Variants in SYNJ1 observed in about 807,000 individuals in gnomAD.
SYNJ1 encodes the protein synaptojanin 1.
A neutral mutation model predicts 168.2 loss-of-function variants in SYNJ1; 78 were observed. The observed-to-expected ratio is 0.46, with a 90% CI of 0.39 to 0.56. The LOEUF (loss-of-function observed/expected upper bound fraction) is 0.56. Among genes scored for constraint, SYNJ1 ranks in the 20% least tolerant of loss-of-function variants. The pLI is 0.00. For missense variants in SYNJ1, 1,303 were observed against 1,597.6 expected (o/e 0.82, Z 3.14); for synonymous variants, 539 against 548.6 (o/e 0.98, Z 0.24).
intron 15 of SYNJ1, among the ~76,000 whole-genome samples, chr21:32,667,233 T>C (rs1449372098): frequency 1.3e-5 from 2 of 152,198 alleles, no homozygotes; most frequent in African/African-American, 2.4e-5. Context: ...TGCACATATA[T>C]GTGACTATAT....
chr21:32,701,846 C>T (rs1322385736), intron 3 of SYNJ1, 115 bp downstream of exon 3: 9 of 702,142 alleles, frequency 1.3e-5, no homozygotes, highest in African/African-American at 1.8e-5. Flanking sequence ...GATGTTAGCA[C>T]ATGTGTAGCT....
rs1203999637 is a variant in SYNJ1, at chr21:32,685,828, T to C, written c.1038A>G (p.Lys346=). The part of the protein sequence containing the change: ...HQMVKGGKAE[K]LHSVLKPQVQ... ...CTTGAGGTTTAAGAACACTATGTAA[T>C]TTTTCTGCCTTTCCTCCCTTAACCA... The change falls in exon 9 of 33, where the codon AAA becomes AAG. Residue 346 remains lysine (K), a synonymous_variant. Transcript: ENST00000674351. The C allele has an allele frequency of 1.2e-6, 2 of 1,613,280 alleles. No individual in the cohort carries two copies. The highest frequency in any genetic ancestry group is 2.2e-5 in the East Asian group (1 of 44,696).
At chr21:32,653,394 A>C in intron 21 of SYNJ1, 28 bp from the exon 22 acceptor site, 3 of 1,523,426 alleles carry the variant, frequency 2.0e-6, no homozygotes, top group South Asian at 2.3e-5. Flanking sequence ...AAAAACCATA[A>C]TTAATACCAT....
chr21:32,716,435 A>G (rs1447751971), intron 2 of SYNJ1, among the ~76,000 whole-genome samples: 3 of 152,178 alleles, frequency 2.0e-5, no homozygotes, highest in Non-Finnish European at 4.4e-5. Context: ...CTCTAGGTGA[A>G]TGGTTTGGTT....
At chr21:32,681,452 GA>G (rs2041619232) in intron 11 of SYNJ1, 43 bp downstream of exon 11, 2 of 1,540,544 alleles carry the variant, frequency 1.3e-6, no homozygotes, top group South Asian at 2.6e-5. Context: ...ATGAAGAGAG[GA>G]AAAAGAGGAT....
chr21:32,675,885 T>C (rs549603327), intron 13 of SYNJ1, among the ~76,000 whole-genome samples: 20 of 152,226 alleles, frequency 1.3e-4, no homozygotes, highest in Non-Finnish European at 2.1e-4. Context: ...AATAAGGAAA[T>C]GCAACAATGC....
intron 32 of SYNJ1, among the ~76,000 whole-genome samples, chr21:32,633,492 C>T (rs1189982434): frequency 1.3e-5 from 2 of 152,084 alleles, no homozygotes; most frequent in African/African-American, 4.8e-5. Context: ...GACTTGGACA[C>T]TTATGCTAAC....
At chr21:32,672,613 T>C (rs1316618194) in intron 14 of SYNJ1, among the ~76,000 whole-genome samples, 4 of 152,202 alleles carry the variant, frequency 2.6e-5, no homozygotes, top group African/African-American at 4.8e-5. Context: ...GTGCTGGGAT[T>C]ACAGGCGTGA....
intron 12 of SYNJ1, among the ~76,000 whole-genome samples, chr21:32,678,274 AT>A (rs1282554156): frequency 6.6e-6 from 1 of 152,230 alleles, no homozygotes; most frequent in Admixed American, 6.5e-5. Flanking sequence ...CAATATAGGC[AT>A]TAGTTTTCCC....
rs1454519018 is a variant in SYNJ1 at position 32,646,500 on chromosome 21, C to T, written c.3140G>A (p.Arg1047Gln). 3.7e-6 allele frequency: 6 copies of T among 1,613,982 alleles called. No individual in the cohort carries two copies. The highest frequency in any genetic ancestry group is 2.2e-5 in the East Asian group (1 of 44,870). Residue 1047 changes from arginine to glutamine, a missense_variant, in exon 24 of 33, where the codon CGA (arginine) becomes CAA (glutamine). Arg to Gln is a conservative substitution (Grantham distance 43). Transcript: ENST00000674351. The part of the protein sequence containing the change: ...GLGTSPSSSP[R>Q]TSPCQSPTIS... ...TGTAGGTGACTGGCAGGGACTAGTTCGGGGTGAAGAGCTGGGGGAAGTACC... is the reference window on the plus strand; with the variant it reads ...TGTAGGTGACTGGCAGGGACTAGTTTGGGGTGAAGAGCTGGGGGAAGTACC...
intron 31 of SYNJ1, among the ~76,000 whole-genome samples, chr21:32,636,651 G>T (rs2039579469): frequency 6.6e-6 from 1 of 151,566 alleles, no homozygotes; most frequent in African/African-American, 2.4e-5. Flanking sequence ...TTATTTTACG[G>T]TTCAAAATTC....
chr21:32,657,015 G>C lies in SYNJ1; in HGVS notation c.2567C>G (p.Thr856Ser). 6.2e-7 allele frequency: 1 copy of C among 1,614,120 alleles called. No individual in the cohort carries two copies. Among genetic ancestry groups the C allele is most frequent in the Non-Finnish European group, 8.5e-7 (1 of 1,180,002 alleles). The change falls in exon 20 of 33, where the codon ACT becomes AGT. Residue 856 changes from threonine (T) to serine (S), a missense_variant. By Grantham distance (58) the Thr-to-Ser change is moderately conservative. Coordinates refer to ENST00000674351, the MANE Select transcript of SYNJ1 (RefSeq NM_203446.3). ...AGACTGCTTAAACCTGTGGTCAGAA[G>C]TCTTCAGCTCAGCTCTTCCATAGTG... ...LLHYGRAELK[T>S]SDHRPVVALI... is the part of the protein sequence containing the mutation.
At chr21:32,643,387 C>G in intron 27 of SYNJ1, 23 bp downstream of exon 27, 1 of 1,613,118 alleles carries the variant, frequency 6.2e-7, no homozygotes. Flanking sequence ...AGAACCACTT[C>G]TATAATGCAA....
At chr21:32,638,134 T>C (rs1005951249) in intron 31 of SYNJ1, among the ~76,000 whole-genome samples, 2 of 152,154 alleles carry the variant, frequency 1.3e-5, no homozygotes, top group African/African-American at 2.4e-5. Flanking sequence ...AGTGGAGCGA[T>C]CATGGCTCAC....
At chr21:32,688,233 G>C in intron 7 of SYNJ1, 73 bp downstream of exon 7, 2 of 1,423,266 alleles carry the variant, frequency 1.4e-6, no homozygotes, top group Admixed American at 4.6e-5. Context: ...AGTTTGAAGT[G>C]AATCAGTAAA....
chr21:32,695,374 T>C (rs946835691), intron 4 of SYNJ1, 92 bp from the exon 5 acceptor site: 9 of 1,180,016 alleles, frequency 7.6e-6, no homozygotes, highest in Non-Finnish European at 9.3e-6. Flanking sequence ...TAATTTAATA[T>C]TATTAAATTT....
intron 9 of SYNJ1, among the ~76,000 whole-genome samples, chr21:32,684,461 A>G (rs907750373): frequency 6.6e-6 from 1 of 152,206 alleles, no homozygotes; most frequent in Non-Finnish European, 1.5e-5. Flanking sequence ...ATTTTTTTAA[A>G]CCTAAGATCT....
At chr21:32,724,479 C>T (rs1417368580) in intron 2 of SYNJ1, among the ~76,000 whole-genome samples, 1 of 152,150 alleles carries the variant, frequency 6.6e-6, no homozygotes, top group Non-Finnish European at 1.5e-5. Flanking sequence ...CAGAGTGAGA[C>T]CCTGTCTCAA....
intron 23 of SYNJ1, among the ~76,000 whole-genome samples, chr21:32,649,259 C>T (rs559534924): frequency 8.5e-5 from 13 of 152,204 alleles, no homozygotes; most frequent in Admixed American, 7.9e-4. Flanking sequence ...AAAGGTACTA[C>T]ATAAATATGT....
Sources: allele counts gnomAD v4.1 joint callset (sites outside exome capture counted in the v4.1 genomes callset), GRCh38; gene constraint gnomAD v4.1.1; transcripts MANE v1.5; gene names NCBI Gene and HGNC (gene_info 2026-07-23, HGNC 2026-07-21).